DCAF6: variants seen among roughly 807,000 people sequenced by gnomAD.
DCAF6 encodes the protein DDB1- and CUL4-associated factor 6.
A neutral mutation model predicts 125.1 loss-of-function variants in DCAF6; 54 were observed. The observed-to-expected ratio is 0.43, with a 90% confidence interval of 0.35 to 0.54. The LOEUF is 0.54. Among genes scored for constraint, DCAF6 ranks in the 20% least tolerant of loss-of-function variants. The pLI is 0.01. For synonymous variants in DCAF6, 371 were observed against 390.4 expected (o/e 0.95, Z 0.58); for missense variants, 934 against 1,161.7 (o/e 0.80, Z 2.85).
the DCAF6 span, among the ~76,000 whole-genome samples, chr1:167,913,541 A>G: frequency 6.6e-6 from 1 of 152,162 alleles, no homozygotes; most frequent in African/African-American, 2.4e-5. Context: ...TTTCCCATAC[A>G]AATATCCTTG....
the DCAF6 span, among the ~76,000 whole-genome samples, chr1:167,891,115 C>T: frequency 6.6e-6 from 1 of 152,016 alleles, no homozygotes; most frequent in Non-Finnish European, 1.5e-5. Context: ...GTGTGTGCCA[C>T]CGCGCCTGGC....
the DCAF6 span, among the ~76,000 whole-genome samples, chr1:167,869,623 C>T: frequency 6.6e-6 from 1 of 152,160 alleles, no homozygotes; most frequent in African/African-American, 2.4e-5. Context: ...AGATTCCACA[C>T]ATTGTATGGA....
At chr1:167,945,711 A>C (rs1487805415) in intron 1 of DCAF6, among the ~76,000 whole-genome samples, 1 of 151,786 alleles carries the variant, frequency 6.6e-6, no homozygotes, top group African/African-American at 2.4e-5. Context: ...CATGTTGGCC[A>C]GGATGGTCTC....
chr1:167,960,725 G>A (rs919251952), intron 2 of DCAF6, among the ~76,000 whole-genome samples: 1 of 152,160 alleles, frequency 6.6e-6, no homozygotes, highest in African/African-American at 2.4e-5. Context: ...TTGTTAAAGT[G>A]TATTTTAAGG....
intron 18 of DCAF6, chr1:168,063,983 A>T (rs1423727796): frequency 1.1e-5 from 4 of 356,296 alleles, no homozygotes; most frequent in Admixed American, 5.0e-5. Context: ...GATTAAAAAA[A>T]TTTTTAGTTT....
intron 17 of DCAF6, among the ~76,000 whole-genome samples, chr1:168,057,723 ACAGGGCTTTG>A (rs1163767309): frequency 3.9e-5 from 6 of 152,334 alleles, no homozygotes; most frequent in South Asian, 2.1e-4. Flanking sequence ...AATTGCATTG[ACAGGGCTTTG>A]CAGGGCTTTG....
chr1:167,997,931 A>G (rs779999715), intron 7 of DCAF6, among the ~76,000 whole-genome samples: 2 of 152,218 alleles, frequency 1.3e-5, no homozygotes, highest in Non-Finnish European at 2.9e-5. Flanking sequence ...AGGGAAATGC[A>G]GATCACAACC....
In DCAF6 at chr1:167,936,734, G is replaced by A; in HGVS notation, c.-178G>A. ...GAGTATGAGGCGAGCTCCGGCCCGG[G>A]TGCGGCCGGGCTTCAGGGGCCCAGG... On this transcript the variant is annotated 5_prime_UTR_variant, in exon 1 of 22. The change creates a new upstream start codon in the 5' untranslated region. Transcript: ENST00000367840. 1 of 600,394 alleles carries A rather than the reference G, an allele frequency of 1.7e-6. No individual in the cohort carries two copies. Among genetic ancestry groups the A allele is most frequent in the South Asian group, 2.0e-5 (1 of 49,712 alleles). The allele number at this position is 600,394 out of a possible 1,614,324, so 37.2% of individuals were successfully genotyped here. A position where few individuals can be genotyped will look rare whatever the true frequency, so the allele number is the denominator to read the frequency against.
intron 8 of DCAF6, among the ~76,000 whole-genome samples, chr1:168,002,776 T>A (rs1682821796): frequency 1.3e-5 from 2 of 152,266 alleles, no homozygotes; most frequent in South Asian, 4.1e-4. Context: ...ATTTTGGTAG[T>A]TGTTATCAGA....
At chr1:167,909,461 T>A in the DCAF6 span, among the ~76,000 whole-genome samples, 2 of 152,218 alleles carry the variant, frequency 1.3e-5, no homozygotes, top group Non-Finnish European at 2.9e-5. Flanking sequence ...TTGTCCAAGC[T>A]ATGTCCTGTG....
intron 1 of DCAF6, among the ~76,000 whole-genome samples, chr1:167,937,413 C>T (rs1671456367): frequency 6.6e-6 from 1 of 152,176 alleles, no homozygotes; most frequent in African/African-American, 2.4e-5. Flanking sequence ...TGCCCACCCT[C>T]TCCTTCAATC....
At chr1:167,953,026 C>T (rs568123273) in intron 2 of DCAF6, among the ~76,000 whole-genome samples, 2 of 152,216 alleles carry the variant, frequency 1.3e-5, no homozygotes, top group South Asian at 4.1e-4. Context: ...TATTATTTTA[C>T]CTTCATATGT....
rs552208317 is a variant in DCAF6, at chr1:167,967,714, C to CTTTTTTTTTTTTTTTTTTTTTT, written c.252+998_252+1019dup. 3.6e-4 allele frequency among the ~76,000 whole-genome samples: 27 copies of CTTTTTTTTTTTTTTTTTTTTTT among 74,578 alleles called. 1 individual carries two copies. The highest frequency in any genetic ancestry group is 1.4e-3 in the African/African-American group (26 of 18,982). The allele number at this position is 74,578 out of a possible 152,430, so 48.9% of individuals were successfully genotyped here. On this transcript the variant is annotated intron_variant, in intron 3 of 21. Coordinates refer to ENST00000367840, the MANE Select transcript of DCAF6 (RefSeq NM_001198956.2). ...CCTGATTGTCTTAAATTTCCTGTAT[C>CTTTTTTTTTTTTTTTTTTTTTT]TTTTTTTTTTTTTTTTTTTTTTTTT...
At chr1:168,006,360 A>G (rs979037590) in intron 10 of DCAF6, among the ~76,000 whole-genome samples, 116 of 152,224 alleles carry the variant, frequency 7.6e-4, no homozygotes, top group African/African-American at 2.7e-3. Context: ...ATTTATAGGA[A>G]GTAAGGAAAT....
At chr1:167,916,979 AAGGTT>A in the DCAF6 span, 2 of 152,208 alleles carry the variant, frequency 1.3e-5, no homozygotes, top group Admixed American at 6.5e-5. Flanking sequence ...GATAAAGTAC[AAGGTT>A]TTCAATTGCT....
At chr1:167,965,362 A>G (rs978442907) in intron 2 of DCAF6, among the ~76,000 whole-genome samples, 3 of 152,044 alleles carry the variant, frequency 2.0e-5, no homozygotes, top group Non-Finnish European at 2.9e-5. Context: ...GGAATTGGGT[A>G]TTTCTGTTTG....
At chr1:168,033,782 CCACTCTAAGCTGCT>C (rs1477842791) in intron 12 of DCAF6, among the ~76,000 whole-genome samples, 5 of 152,128 alleles carry the variant, frequency 3.3e-5, no homozygotes, top group African/African-American at 9.7e-5. Context: ...TCCATAGAGA[CCACTCTAAGCTGCT>C]GATGTCATCA....
intron 1 of DCAF6, among the ~76,000 whole-genome samples, chr1:167,939,632 G>T (rs964601987): frequency 6.6e-6 from 1 of 152,100 alleles, no homozygotes; most frequent in African/African-American, 2.4e-5. Context: ...GAGTGGTGGC[G>T]TACGCCTGTA....
intron 12 of DCAF6, among the ~76,000 whole-genome samples, chr1:168,026,873 A>G (rs1184035816): frequency 1.3e-5 from 2 of 152,044 alleles, no homozygotes; most frequent in Admixed American, 1.3e-4. Flanking sequence ...AAACCATGGG[A>G]GTGGATGAGA....
Sources: allele counts gnomAD v4.1 joint callset (sites outside exome capture counted in the v4.1 genomes callset), GRCh38; gene constraint gnomAD v4.1.1; transcripts MANE v1.5; gene names NCBI Gene and HGNC (gene_info 2026-07-23, HGNC 2026-07-21).